SLC24A4: variants seen among roughly 807,000 people sequenced by gnomAD.
The protein encoded by SLC24A4 is solute carrier family 24 member 4, also known as sodium/potassium/calcium exchanger 4.
SLC24A4 carries 53 observed loss-of-function variants against 79.0 expected under a neutral mutation model. The observed-to-expected ratio is 0.67, with a 90% CI of 0.54 to 0.84. SLC24A4 has a LOEUF of 0.84. Ranked by LOEUF, SLC24A4 falls within the 40% of genes least tolerant of loss-of-function variation. SLC24A4 has a pLI of 0.00. For missense variants in SLC24A4, 731 were observed against 822.0 expected (o/e 0.89, Z 1.35); for synonymous variants, 323 against 323.8 (o/e 1.00, Z 0.03).
At chr14:92,484,101 G>GA (rs765698867) in intron 13 of SLC24A4, 2 of 985,274 alleles carry the variant, frequency 2.0e-6, no homozygotes, top group Non-Finnish European at 2.4e-6. Context: ...TTGGGAGAAT[G>GA]AAAAGAGAGC....
At chr14:92,364,627 G>T (rs1887720507) in intron 2 of SLC24A4, among the ~76,000 whole-genome samples, 1 of 152,128 alleles carries the variant, frequency 6.6e-6, no homozygotes, top group Non-Finnish European at 1.5e-5. Flanking sequence ...GCCCCGTGGT[G>T]GGTGGGAGGG....
chr14:92,367,037 C>T (rs1488096396), intron 2 of SLC24A4, among the ~76,000 whole-genome samples: 4 of 152,146 alleles, frequency 2.6e-5, no homozygotes, highest in Non-Finnish European at 5.9e-5. Context: ...GTTCCAGAAG[C>T]GGAGTGAGGG....
At position 92,390,754 on chromosome 14, in the gene SLC24A4, G is replaced by A. The variant is rs192746358; in HGVS notation, c.242-43158G>A. Among the ~76,000 whole-genome samples, 128 of 152,316 alleles carry A rather than the reference G, an allele frequency of 8.4e-4. 1 individual carries two copies. The East Asian group carries it at 0.014, about 17-fold the overall frequency. The stretch of plus-strand genomic sequence containing the variant: ...AGTGGCACGGGCACCAGGCCTACCA[G>A]GGAACATTCCGATTCCTATTTTAGG... On this transcript the variant is annotated intron_variant, in intron 2 of 16. Transcript: ENST00000532405.
At chr14:92,491,585 C>CT in intron 14 of SLC24A4, 80 bp from the exon 15 acceptor site, 1 of 978,558 alleles carries the variant, frequency 1.0e-6, no homozygotes, top group South Asian at 1.3e-5. Context: ...AGGAATGGCA[C>CT]TGATAGAACA....
At chr14:92,404,960 C>T (rs938339986) in intron 2 of SLC24A4, among the ~76,000 whole-genome samples, 1 of 152,144 alleles carries the variant, frequency 6.6e-6, no homozygotes, top group Non-Finnish European at 1.5e-5. Flanking sequence ...AAGTCTTATA[C>T]ATTTAAATGA....
At chr14:92,378,243 G>T (rs1888629430) in intron 2 of SLC24A4, among the ~76,000 whole-genome samples, 1 of 152,144 alleles carries the variant, frequency 6.6e-6, no homozygotes, top group Admixed American at 6.5e-5. Context: ...TAATGCTGCT[G>T]TGAGCATCCT....
chr14:92,435,928 G>T (rs1892141252), intron 3 of SLC24A4, among the ~76,000 whole-genome samples: 1 of 152,164 alleles, frequency 6.6e-6, no homozygotes, highest in African/African-American at 2.4e-5. Context: ...GAAAGTCTTG[G>T]CATAGCTGAA....
At chr14:92,475,960 T>C (rs570576936) in intron 12 of SLC24A4, among the ~76,000 whole-genome samples, 1 of 152,108 alleles carries the variant, frequency 6.6e-6, no homozygotes, top group Non-Finnish European at 1.5e-5. Context: ...CACTGTTTCT[T>C]AGGAAACAAT....
intron 12 of SLC24A4, among the ~76,000 whole-genome samples, chr14:92,480,834 A>G (rs1254931441): frequency 6.6e-6 from 1 of 152,034 alleles, no homozygotes; most frequent in African/African-American, 2.4e-5. Context: ...TGGTTGGAGA[A>G]CAGGAGATTA....
At chr14:92,424,863 CAG>C (rs919335930) in intron 2 of SLC24A4, among the ~76,000 whole-genome samples, 2 of 152,142 alleles carry the variant, frequency 1.3e-5, no homozygotes, top group African/African-American at 4.8e-5. Context: ...GCCTGGGCGA[CAG>C]AGCAAGACTC....
At chr14:92,352,200 A>C (rs1286115131) in intron 2 of SLC24A4, among the ~76,000 whole-genome samples, 3 of 152,164 alleles carry the variant, frequency 2.0e-5, no homozygotes, top group African/African-American at 7.2e-5. Flanking sequence ...CACCGTGAAC[A>C]GGTGTGGGAG....
chr14:92,341,480 T>G (rs1886139088), intron 2 of SLC24A4, among the ~76,000 whole-genome samples: 1 of 152,210 alleles, frequency 6.6e-6, no homozygotes, highest in African/African-American at 2.4e-5. Flanking sequence ...GTAGATAGAA[T>G]GACTTATAAA....
intron 14 of SLC24A4, among the ~76,000 whole-genome samples, 155 bp from the exon 15 acceptor site, chr14:92,491,510 A>G (rs1406316553): frequency 6.6e-6 from 1 of 152,236 alleles, no homozygotes. Context: ...CAGGAAGGGC[A>G]TGGATCTGAG....
intron 2 of SLC24A4, among the ~76,000 whole-genome samples, chr14:92,333,356 A>G (rs937964618): frequency 3.3e-5 from 5 of 152,080 alleles, no homozygotes; most frequent in Non-Finnish European, 5.9e-5. Context: ...CTGCCTCCCA[A>G]AGTGCTGGGA....
At chr14:92,483,811 G>C (rs1362329582) in intron 13 of SLC24A4, 1 of 1,289,840 alleles carries the variant, frequency 7.8e-7, no homozygotes, top group African/African-American at 1.5e-5. Context: ...CACCCTAGTG[G>C]TTAACATCGA....
At chr14:92,371,371 A>G (rs542891767) in intron 2 of SLC24A4, among the ~76,000 whole-genome samples, 1 of 152,340 alleles carries the variant, frequency 6.6e-6, no homozygotes, top group Admixed American at 6.5e-5. Context: ...CTGGGACCAG[A>G]CACGTCCATT....
At chr14:92,427,520 A>G (rs747046935) in intron 2 of SLC24A4, among the ~76,000 whole-genome samples, 1 of 152,246 alleles carries the variant, frequency 6.6e-6, no homozygotes, top group Non-Finnish European at 1.5e-5. Flanking sequence ...AGATTGAGAG[A>G]GGACCTGGGG....
At chr14:92,369,847 T>A (rs1456926669) in intron 2 of SLC24A4, among the ~76,000 whole-genome samples, 1 of 152,208 alleles carries the variant, frequency 6.6e-6, no homozygotes, top group Non-Finnish European at 1.5e-5. Context: ...CATTGTCAAA[T>A]GTCTCCTTTG....
intron 12 of SLC24A4, among the ~76,000 whole-genome samples, chr14:92,467,211 G>C (rs1041215711): frequency 4.6e-5 from 7 of 152,246 alleles, no homozygotes; most frequent in Admixed American, 4.6e-4. Flanking sequence ...AGTTCACCAA[G>C]TGGGATTTAT....
Sources: gnomAD v4.1 joint callset for allele counts (sites outside exome capture counted in the v4.1 genomes callset) on GRCh38, gnomAD v4.1.1 for gene constraint, MANE v1.5 for transcripts, NCBI Gene and HGNC (gene_info 2026-07-23, HGNC 2026-07-21) for gene names.